Variants in CPLX1 observed in about 807,000 individuals in gnomAD.
CPLX1 encodes the protein complexin 1, also known as complexin-1.
In CPLX1, 6 loss-of-function variants were observed where a neutral mutation model predicts 15.6. The observed-to-expected ratio is 0.39, with a 90% CI of 0.21 to 0.76. CPLX1 has a LOEUF of 0.76. CPLX1 is among the 30% of genes least tolerant of loss of function. The probability of loss-of-function intolerance (pLI) is 0.43; values close to 1 mark genes in which losing one functional copy is unlikely to be tolerated. For synonymous variants in CPLX1, 91 were observed against 75.2 expected (o/e 1.21, Z -1.08); for missense variants, 242 against 188.6 (o/e 1.28, Z -1.66).
intron 1 of CPLX1, among the ~76,000 whole-genome samples, chr4:825,748 C>T (rs998374326): frequency 2.0e-5 from 3 of 147,956 alleles, no homozygotes; most frequent in African/African-American, 7.5e-5. Context: ...GCGCGGAGCC[C>T]GGGAGAGAAA....
Position 785,549 on chromosome 4 carries a change from CAG to C in CPLX1, c.*950_*951del, listed in dbSNP as rs986068824. ...AAATTAAACATGAATGGAGGAGAAA[CAG>C]GGGCTCGGATGCCGCCCCGCAGGGC... On this transcript the variant is annotated 3_prime_UTR_variant, in exon 4 of 4. Coordinates refer to ENST00000304062, the MANE Select transcript of CPLX1 (RefSeq NM_006651.4). The C allele has an allele frequency of 1.4e-4, 22 of 152,574 alleles. No homozygotes were observed. Among genetic ancestry groups the C allele is most frequent in the African/African-American group, 2.4e-4 (10 of 41,558 alleles). 9.5% of individuals were successfully genotyped at this position (152,574 alleles called of 1,614,324 possible).
rs146786382 is a variant in CPLX1 at position 802,675 on chromosome 4, C to T, written c.32-10067G>A. On this transcript the variant is annotated intron_variant, in intron 2 of 3. Transcript: ENST00000304062. ...GTAAAAATTCCAGAAAGCAGCTGGG[C>T]GTGGTGGCTCACACCTGTAATCCCA... Among the ~76,000 whole-genome samples the T allele has an allele frequency of 2.7e-3, 409 of 152,204 alleles. 1 individual carries two copies. The highest frequency in any genetic ancestry group is 0.014 in the Middle Eastern group (4 of 294).
chr4:811,632 C>T (rs1746666891), intron 2 of CPLX1, among the ~76,000 whole-genome samples: 1 of 152,114 alleles, frequency 6.6e-6, no homozygotes, highest in Non-Finnish European at 1.5e-5. Context: ...TGTTTCAGGG[C>T]CTCGAATATG....
Position 792,565 on chromosome 4 carries a change from C to T in CPLX1, c.75G>A (p.Glu25=). ...CCTTCTTGGCGGCGTCTGGGTCCTT[C>T]TCCTCGTCACCCCCCAGCATCTTCC... The part of the protein sequence containing the change: ...DMGKMLGGDE[E]KDPDAAKKEE... The change falls in exon 3 of 4, where the codon GAG becomes GAA. Residue 25 remains glutamate, a synonymous_variant. Transcript: ENST00000304062. 1 of 1,613,360 alleles carries T rather than the reference C, an allele frequency of 6.2e-7. No homozygotes were observed. The highest frequency in any genetic ancestry group is 2.2e-5 in the East Asian group (1 of 44,836).
At chr4:802,034 C>G (rs1020306657) in intron 2 of CPLX1, among the ~76,000 whole-genome samples, 1 of 152,166 alleles carries the variant, frequency 6.6e-6, no homozygotes, top group Admixed American at 6.5e-5. Context: ...CCAAATGACC[C>G]AGAAATTCCA....
chr4:807,671 T>C (rs931698950), intron 2 of CPLX1, among the ~76,000 whole-genome samples: 1 of 152,002 alleles, frequency 6.6e-6, no homozygotes, highest in Non-Finnish European at 1.5e-5. Context: ...TTAGTAGAGA[T>C]GGGGTTTTCA....
intron 2 of CPLX1, among the ~76,000 whole-genome samples, chr4:801,598 G>A (rs1291021072): frequency 2.0e-5 from 3 of 152,176 alleles, no homozygotes; most frequent in South Asian, 2.1e-4. Context: ...AGGCAGTCAC[G>A]TGCTGTGCAG....
chr4:823,886 G>A (rs1746920997), intron 2 of CPLX1, among the ~76,000 whole-genome samples: 1 of 152,246 alleles, frequency 6.6e-6, no homozygotes, highest in Non-Finnish European at 1.5e-5. Flanking sequence ...AAAAAAGGCT[G>A]CACGTCCCGC....
In CPLX1 at chr4:821,683, T is replaced by TG. The variant is rs368262022; in HGVS notation, c.31+2808dup. Among the ~76,000 whole-genome samples the TG allele has an allele frequency of 7.9e-4, 121 of 152,226 alleles. 1 individual carries two copies. The highest frequency in any genetic ancestry group is 2.6e-3 in the African/African-American group (106 of 41,546). On this transcript the variant is annotated intron_variant, in intron 2 of 3. Coordinates refer to ENST00000304062, the MANE Select transcript of CPLX1 (RefSeq NM_006651.4). ...ACCCTGGATCCGGACCCACGTGTTG[T>TG]GGGGGGAGGCCCGGCCCCAGTTCAA...
In CPLX1 at chr4:800,730, AAAAAAT is replaced by A. The variant is rs1484900475; in HGVS notation, c.32-8128_32-8123del. Among the ~76,000 whole-genome samples the A allele has an allele frequency of 8.9e-4, 70 of 78,636 alleles. 1 individual carries two copies. The highest frequency in any genetic ancestry group is 3.2e-3 in the African/African-American group (46 of 14,430). The allele number at this position is 78,636 out of a possible 152,430, so 51.6% of individuals were successfully genotyped here. ...GGGGAAACCCCGTCTCTACTAAAAA[AAAAAAT>A]ATATATATATATATATATACACACA... On this transcript the variant is annotated intron_variant, in intron 2 of 3. Coordinates refer to ENST00000304062, the MANE Select transcript of CPLX1 (RefSeq NM_006651.4).
chr4:810,237 GAC>G (rs1435729084), intron 2 of CPLX1, among the ~76,000 whole-genome samples: 2 of 151,256 alleles, frequency 1.3e-5, no homozygotes, highest in Non-Finnish European at 2.9e-5. Context: ...TTTTAGTAGA[GAC>G]GGGGTTTCAC....
chr4:817,246 T>TAAAA (rs35754733), intron 2 of CPLX1, among the ~76,000 whole-genome samples: 2 of 132,672 alleles, frequency 1.5e-5, no homozygotes. Context: ...TGGGTGAATG[T>TAAAA]AAAAAAAAAA....
At chr4:824,034 T>TCTGTCCCCACGC (rs535835827) in intron 2 of CPLX1, among the ~76,000 whole-genome samples, 167 of 152,322 alleles carry the variant, frequency 1.1e-3, no homozygotes, top group African/African-American at 3.9e-3. Flanking sequence ...ACAGGCCAGC[T>TCTGTCCCCACGC]CTGTCCCCAC....
At chr4:787,729 C>T (rs535135779) in intron 3 of CPLX1, 8 of 984,284 alleles carry the variant, frequency 8.1e-6, no homozygotes, top group Admixed American at 6.2e-5. Context: ...TTTTGTCAGG[C>T]CCCGGGGTTT....
At chr4:790,985 TTCTC>T (rs35958511) in intron 3 of CPLX1, among the ~76,000 whole-genome samples, 8 of 151,174 alleles carry the variant, frequency 5.3e-5, no homozygotes, top group African/African-American at 1.5e-4. Flanking sequence ...TCCCTCTGTC[TTCTC>T]TCTGTCTCTT....
chr4:825,056 A>G (rs1295438399), intron 1 of CPLX1, among the ~76,000 whole-genome samples: 3 of 152,266 alleles, frequency 2.0e-5, no homozygotes, highest in East Asian at 3.9e-4. Flanking sequence ...GCTTCTGACC[A>G]GGGAGGCTTG....
intron 2 of CPLX1, among the ~76,000 whole-genome samples, chr4:809,799 A>G (rs1447652255): frequency 3.3e-5 from 5 of 151,372 alleles, no homozygotes; most frequent in African/African-American, 2.4e-5. Context: ...TCCTGTCACT[A>G]TGGATTATGG....
intron 2 of CPLX1, among the ~76,000 whole-genome samples, chr4:819,745 A>G (rs1324697718): frequency 2.6e-5 from 4 of 152,090 alleles, no homozygotes; most frequent in Non-Finnish European, 5.9e-5. Context: ...GTAAATGGAA[A>G]CCCTCCATGA....
chr4:795,411 G>T (rs1746303807), intron 2 of CPLX1, among the ~76,000 whole-genome samples: 1 of 152,204 alleles, frequency 6.6e-6, no homozygotes. Context: ...TCCGCAGGAG[G>T]GCGGCGCTGC....
Sources: gnomAD v4.1 joint callset for allele counts (sites outside exome capture counted in the v4.1 genomes callset) on GRCh38, gnomAD v4.1.1 for gene constraint, MANE v1.5 for transcripts, NCBI Gene and HGNC (gene_info 2026-07-23, HGNC 2026-07-21) for gene names.